The following ZC3H12C variants were observed in gnomAD, a reference collection of about 807,000 sequenced individuals.
ZC3H12C encodes probable ribonuclease ZC3H12C.
ZC3H12C carries 20 observed loss-of-function variants against 76.3 expected under a neutral mutation model. That is an observed-to-expected ratio of 0.26 (90% CI 0.18 to 0.38). The LOEUF (loss-of-function observed/expected upper bound fraction) is 0.38. Ranked by LOEUF, ZC3H12C falls within the 10% of genes least tolerant of loss-of-function variation. ZC3H12C has a pLI of 1.00. For synonymous variants in ZC3H12C, 352 were observed against 399.6 expected, an observed-to-expected ratio of 0.88 and a Z score of 1.42; for missense variants, 874 against 1,086.5, an observed-to-expected ratio of 0.80 and a Z score of 2.75.
At chr11:110,131,047 T>G in intron 1 of ZC3H12C, 4 of 1,535,874 alleles carry the variant, frequency 2.6e-6, no homozygotes, top group Non-Finnish European at 3.5e-6. Flanking sequence ...TAAAATTGTG[T>G]TAAGGAGTTT....
At chr11:110,112,330 C>G (rs1861447777) in intron 1 of ZC3H12C, among the ~76,000 whole-genome samples, 1 of 152,124 alleles carries the variant, frequency 6.6e-6, no homozygotes, top group Non-Finnish European at 1.5e-5. Context: ...TCTCAAATAA[C>G]TGGAATTACA....
rs1254503335 is a variant in ZC3H12C, at chr11:110,137,267, A to G, written c.626A>G (p.Asp209Gly). The G allele has an allele frequency of 1.2e-6, 2 of 1,613,986 alleles. No individual in the cohort carries two copies. Among genetic ancestry groups the G allele is most frequent in the East Asian group, 4.5e-5 (2 of 44,880 alleles). Residue 209 changes from aspartate to glycine, a missense_variant, in exon 2 of 6, where the codon GAT (aspartate) becomes GGT (glycine). Around this residue, in one of 3 missense-constraint regions of ZC3H12C, gnomAD observed 269 missense variants for 424.9 expected, o/e 0.63. Transcript: ENST00000278590. Reference protein sequence around the residue: ...LVKLGNKSEADQTVSTINTIT... With the variant: ...LVKLGNKSEAGQTVSTINTIT... Reference sequence around the variant, plus strand: ...AAACTTGGAAATAAAAGTGAGGCTGATCAAACGGTTAGTACAATTAACACT... The same window carrying G: ...AAACTTGGAAATAAAAGTGAGGCTGGTCAAACGGTTAGTACAATTAACACT...
intron 1 of ZC3H12C, among the ~76,000 whole-genome samples, chr11:110,095,334 G>C (rs561072854): frequency 6.6e-6 from 1 of 152,216 alleles, no homozygotes; most frequent in South Asian, 2.1e-4. Context: ...AGACCACAGT[G>C]GTTGCTACAT....
At chr11:110,117,671 T>C (rs1443106532) in intron 1 of ZC3H12C, among the ~76,000 whole-genome samples, 2 of 144,078 alleles carry the variant, frequency 1.4e-5, no homozygotes, top group Non-Finnish European at 3.0e-5. Context: ...CACACATATA[T>C]ATATATTATA....
chr11:110,146,520 G>A (rs1445058348), intron 2 of ZC3H12C, among the ~76,000 whole-genome samples: 1 of 152,122 alleles, frequency 6.6e-6, no homozygotes, highest in East Asian at 1.9e-4. Context: ...CTCTGGAGGG[G>A]GTAGTAAAGC....
At chr11:110,144,850 CA>C (rs1862133801) in intron 2 of ZC3H12C, among the ~76,000 whole-genome samples, 1 of 152,030 alleles carries the variant, frequency 6.6e-6, no homozygotes, top group Non-Finnish European at 1.5e-5. Flanking sequence ...TAGGTTTTTC[CA>C]TGTTTTTCAA....
intron 1 of ZC3H12C, among the ~76,000 whole-genome samples, chr11:110,096,227 A>T (rs1274532192): frequency 2.6e-5 from 4 of 152,220 alleles, no homozygotes; most frequent in Non-Finnish European, 5.9e-5. Flanking sequence ...TAGATCTCTA[A>T]TTTCTTGGTG....
At chr11:110,136,351 G>C (rs1231185735) in intron 1 of ZC3H12C, 1 of 237,788 alleles carries the variant, frequency 4.2e-6, no homozygotes, top group Non-Finnish European at 8.1e-6. Context: ...GATCCATCGA[G>C]ATTGAGAAGG....
At chr11:110,163,641 A>G (rs937414132) in intron 5 of ZC3H12C, among the ~76,000 whole-genome samples, 2 of 152,190 alleles carry the variant, frequency 1.3e-5, no homozygotes, top group African/African-American at 4.8e-5. Flanking sequence ...GAAGTGAATA[A>G]AAATTTGGAG....
At chr11:110,122,504 T>A (rs1861668364) in intron 1 of ZC3H12C, among the ~76,000 whole-genome samples, 1 of 152,176 alleles carries the variant, frequency 6.6e-6, no homozygotes, top group African/African-American at 2.4e-5. Context: ...CCACAGTGGA[T>A]GCCTGGAACT....
intron 3 of ZC3H12C, among the ~76,000 whole-genome samples, chr11:110,155,017 G>T (rs970056514): frequency 5.3e-5 from 8 of 152,148 alleles, no homozygotes; most frequent in Admixed American, 5.2e-4. Context: ...GCCAGATGCA[G>T]TGGCTCAAGC....
chr11:110,124,138 C>A (rs1197753199), intron 1 of ZC3H12C: 2 of 152,316 alleles, frequency 1.3e-5, no homozygotes, highest in East Asian at 3.9e-4. Context: ...GGAAGAGAAT[C>A]CAGAGGAGAC....
rs773594761 is a variant in ZC3H12C, at chr11:110,167,024, T to C, written c.*1287T>C. 6.6e-6 allele frequency: 1 copy of C among 152,212 alleles called. No homozygotes were observed. The highest frequency in any genetic ancestry group is 1.5e-5 in the Non-Finnish European group (1 of 68,030). 9.4% of individuals were successfully genotyped at this position (152,212 alleles called of 1,614,324 possible). A position where few individuals can be genotyped will look rare whatever the true frequency, so the allele number is the denominator to read the frequency against. On this transcript the variant is annotated 3_prime_UTR_variant, in exon 6 of 6. Transcript: ENST00000278590. ...AGGGATATTTCTGGTTTCAAAGTCATGGGTTTTGCTAGTGGTGAATACATT... is the reference window on the plus strand; with the variant it reads ...AGGGATATTTCTGGTTTCAAAGTCACGGGTTTTGCTAGTGGTGAATACATT...
At position 110,130,955 on chromosome 11, in the gene ZC3H12C, C is replaced by T. The variant is rs755297311; in HGVS notation, c.22-5708C>T. Reference sequence around the variant, plus strand: ...GCCTATGATTGGCTGTTATTCCACTCGGTAATAGGTTAAGCAAAGACATTA... The same window carrying T: ...GCCTATGATTGGCTGTTATTCCACTTGGTAATAGGTTAAGCAAAGACATTA... On this transcript the variant is annotated intron_variant, in intron 1 of 5. Coordinates refer to ENST00000278590, the MANE Select transcript of ZC3H12C (RefSeq NM_033390.2). 47 of 1,397,536 alleles carry T rather than the reference C, an allele frequency of 3.4e-5. No individual in the cohort carries two copies. In the Admixed American group the frequency reaches 6.0e-4, roughly 18 times the overall value. The allele number at this position is 1,397,536 out of a possible 1,614,324, so 86.6% of individuals were successfully genotyped here.
chr11:110,132,245 T>G (rs984580867), intron 1 of ZC3H12C, among the ~76,000 whole-genome samples: 1 of 152,044 alleles, frequency 6.6e-6, no homozygotes, highest in Admixed American at 6.6e-5. Context: ...TTTTTTTTAA[T>G]CTGATTTGAG....
chr11:110,134,300 T>C (rs981579260), intron 1 of ZC3H12C, among the ~76,000 whole-genome samples: 2 of 152,158 alleles, frequency 1.3e-5, no homozygotes, highest in African/African-American at 2.4e-5. Flanking sequence ...TTATAGGCTT[T>C]TGTTCATACC....
At chr11:110,128,221 T>G (rs1391163314) in intron 1 of ZC3H12C, among the ~76,000 whole-genome samples, 1 of 151,792 alleles carries the variant, frequency 6.6e-6, no homozygotes, top group African/African-American at 2.4e-5. Flanking sequence ...TTCCCTGCAG[T>G]GGGAAGTGGA....
At chr11:110,104,846 C>T (rs1239490677) in intron 1 of ZC3H12C, among the ~76,000 whole-genome samples, 1 of 152,190 alleles carries the variant, frequency 6.6e-6, no homozygotes, top group African/African-American at 2.4e-5. Flanking sequence ...TTTGATTGAA[C>T]AGAGATTTTG....
chr11:110,164,641 C>T lies in ZC3H12C; in HGVS notation c.1556C>T (p.Pro519Leu). Residue 519 changes from proline to leucine, a missense_variant, in exon 6 of 6, where the codon CCT becomes CTT. Pro to Leu is a moderately conservative substitution (Grantham distance 98, BLOSUM62 -3). Coordinates refer to ENST00000278590, the MANE Select transcript of ZC3H12C (RefSeq NM_033390.2). The surrounding 1 kb of genome is among the most constrained non-coding windows in gnomAD (Gnocchi z 5.7). ...AACAAATTGGAAACCAGGTCTGTAC[C>T]TTCCTTAGTTAGCATCCCAGCTACT... ...TKNKLETRSV[P>L]SLVSIPATST... 6.2e-7 allele frequency: 1 copy of T among 1,613,998 alleles called. No individual in the cohort carries two copies. The highest frequency in any genetic ancestry group is 8.5e-7 in the Non-Finnish European group (1 of 1,179,896).
Sources: gnomAD v4.1 joint callset for allele counts (sites outside exome capture counted in the v4.1 genomes callset) on GRCh38, gnomAD v4.1.1 for gene constraint, gnomAD v4.1.1 regional missense constraint, Gnocchi (gnomAD v3.1) non-coding constraint, MANE v1.5 for transcripts, NCBI Gene and HGNC (gene_info 2026-07-23, HGNC 2026-07-21) for gene names.